The following MYO5C variants were observed in gnomAD, a reference collection of about 807,000 sequenced individuals.
The protein encoded by MYO5C is unconventional myosin-Vc.
A neutral mutation model predicts 235.7 loss-of-function variants in MYO5C; 194 were observed. The observed-to-expected ratio is 0.82, with a 90% CI of 0.73 to 0.93. The LOEUF (loss-of-function observed/expected upper bound fraction) is 0.93. Ranked by LOEUF, MYO5C falls within the 40% of genes least tolerant of loss-of-function variation. The pLI is 0.00. For missense variants in MYO5C, 2,038 were observed against 2,127.2 expected, an observed-to-expected ratio of 0.96 and a Z score of 0.82; for synonymous variants, 707 against 754.8, an observed-to-expected ratio of 0.94 and a Z score of 1.04.
intron 1 of MYO5C, among the ~76,000 whole-genome samples, chr15:52,285,194 CCT>C: frequency 6.6e-6 from 1 of 152,188 alleles, no homozygotes; most frequent in South Asian, 2.1e-4. Context: ...ATGGTGAAAC[CCT>C]GTCTCTACTA....
chr15:52,223,449 C>T, intron 29 of MYO5C, 95 bp downstream of exon 29: 4 of 1,182,790 alleles, frequency 3.4e-6, no homozygotes. Context: ...AATTTATATC[C>T]ACTCTTTTAC....
At chr15:52,256,601 G>GCGCGCA in intron 11 of MYO5C, 38 bp downstream of exon 11, 1 of 1,496,702 alleles carries the variant, frequency 6.7e-7, no homozygotes, top group Non-Finnish European at 9.1e-7. Flanking sequence ...GCGCGCGCGC[G>GCGCGCA]GCTGAGAACT....
chr15:52,197,334 C>T (rs2035074315), intron 38 of MYO5C, among the ~76,000 whole-genome samples: 1 of 152,204 alleles, frequency 6.6e-6, no homozygotes, highest in South Asian at 2.1e-4. Flanking sequence ...CTGATATTTG[C>T]TACATGGATG....
At chr15:52,203,330 C>CT (rs1241548341) in intron 38 of MYO5C, among the ~76,000 whole-genome samples, 2 of 152,062 alleles carry the variant, frequency 1.3e-5, no homozygotes, top group African/African-American at 4.8e-5. Context: ...CCATTACACT[C>CT]CAAGTTATTT....
At chr15:52,219,207 A>G (rs1566966252) in intron 31 of MYO5C, among the ~76,000 whole-genome samples, 1 of 152,364 alleles carries the variant, frequency 6.6e-6, no homozygotes, top group Middle Eastern at 3.4e-3. Flanking sequence ...TTGGAAAAAT[A>G]AGTGTCTCAA....
rs2036376262 is a variant in MYO5C at position 52,247,526 on chromosome 15, TA to T, written c.1812del (p.Thr605GlnfsTer72). The T allele has an allele frequency of 6.2e-7, 1 of 1,614,002 alleles. No individual in the cohort carries two copies. Among genetic ancestry groups the T allele is most frequent in the African/African-American group, 1.3e-5 (1 of 74,902 alleles). On this transcript the variant is annotated frameshift_variant, in exon 15 of 41. Transcript: ENST00000261839. LOFTEE classifies it high-confidence loss of function. Reference protein sequence around the residue: ...PTPPSPFGSMITVKSAKQVIK... With the variant: ...PTPPSPFGSMXTVKSAKQVIK... Reference sequence around the variant, plus strand: ...ATGACTTGCTTTGCAGATTTAACTGTAATCATTGAACCAAAAGGAGAAGGAG... The same window carrying T: ...ATGACTTGCTTTGCAGATTTAACTGTATCATTGAACCAAAAGGAGAAGGAG...
chr15:52,286,248 C>T (rs1361487230), intron 1 of MYO5C, among the ~76,000 whole-genome samples: 7 of 151,294 alleles, frequency 4.6e-5, no homozygotes, highest in African/African-American at 7.3e-5. Flanking sequence ...CCAGGCCAGC[C>T]GCCTCGTCTG....
chr15:52,199,796 G>A lies in MYO5C; in HGVS notation c.4821-3313C>T, dbSNP rs58133293. On this transcript the variant is annotated intron_variant, in intron 38 of 40. Transcript: ENST00000261839. Reference sequence around the variant, plus strand: ...AGGGAAACTTCCCTTCCAATTGGAGGATCTGTGGTTCAAGGTTCTCTCTTT... The same window carrying A: ...AGGGAAACTTCCCTTCCAATTGGAGAATCTGTGGTTCAAGGTTCTCTCTTT... Among the ~76,000 whole-genome samples, 700 of 152,254 alleles carry A rather than the reference G, an allele frequency of 4.6e-3. 5 individuals are homozygous for A. Among genetic ancestry groups the A allele is most frequent in the African/African-American group, 0.016 (680 of 41,534 alleles).
At chr15:52,277,862 G>A (rs2037085356) in intron 4 of MYO5C, 1 of 455,788 alleles carries the variant, frequency 2.2e-6, no homozygotes, top group Non-Finnish European at 4.4e-6. Flanking sequence ...AGCACCACCT[G>A]CTCCCTCATT....
intron 21 of MYO5C, among the ~76,000 whole-genome samples, chr15:52,238,863 G>T (rs922090064): frequency 6.6e-6 from 1 of 151,464 alleles, no homozygotes; most frequent in African/African-American, 2.4e-5. Context: ...GGATGGTCTC[G>T]ATCTCCTGAC....
At chr15:52,246,637 C>A (rs1468487913) in intron 16 of MYO5C, among the ~76,000 whole-genome samples, 1 of 152,200 alleles carries the variant, frequency 6.6e-6, no homozygotes, top group Non-Finnish European at 1.5e-5. Context: ...TACAAACACA[C>A]ATACTCATTC....
At chr15:52,293,495 G>A (rs1422452286) in intron 1 of MYO5C, among the ~76,000 whole-genome samples, 2 of 151,998 alleles carry the variant, frequency 1.3e-5, no homozygotes, top group Non-Finnish European at 2.9e-5. Flanking sequence ...TTCAACCCCT[G>A]CAAATACAGA....
At chr15:52,247,112 A>G (rs2036366067) in intron 15 of MYO5C, 98 bp from the exon 16 acceptor site, 1 of 1,036,318 alleles carries the variant, frequency 9.6e-7, no homozygotes, top group African/African-American at 1.6e-5. Context: ...ACTCAATAGG[A>G]AGAAAAGTTA....
chr15:52,281,060 T>TA (rs2037153571), intron 2 of MYO5C, among the ~76,000 whole-genome samples: 1 of 152,154 alleles, frequency 6.6e-6, no homozygotes, highest in South Asian at 2.1e-4. Flanking sequence ...TTTTTGAAAA[T>TA]AAAATCAGGA....
At chr15:52,223,022 G>A (rs910721188) in intron 29 of MYO5C, among the ~76,000 whole-genome samples, 29 of 151,986 alleles carry the variant, frequency 1.9e-4, no homozygotes, top group South Asian at 4.2e-4. Context: ...GATGGTGGGC[G>A]CCTGTAATCC....
In MYO5C at chr15:52,237,523, A is replaced by G. The variant is rs1177414080; in HGVS notation, c.2827T>C (p.Tyr943His). ...LEKAATHRRN[Y>H]EEKGKRYRDA... ...CTGTATCTCTTCCCCTTCTCCTCGTAATTTCGCCTGTGAGTGGCTGCTTTT... is the reference window on the plus strand; with the variant it reads ...CTGTATCTCTTCCCCTTCTCCTCGTGATTTCGCCTGTGAGTGGCTGCTTTT... The change falls in exon 22 of 41, where the codon TAC (tyrosine) becomes CAC (histidine). Residue 943 changes from tyrosine to histidine, a missense_variant. By Grantham distance (83) the Tyr-to-His change is moderately conservative. Transcript: ENST00000261839. 1 of 1,614,094 alleles carries G rather than the reference A, an allele frequency of 6.2e-7. No homozygotes were observed. The highest frequency in any genetic ancestry group is 1.1e-5 in the South Asian group (1 of 91,066).
At chr15:52,203,139 G>T (rs926773841) in intron 38 of MYO5C, among the ~76,000 whole-genome samples, 1 of 151,802 alleles carries the variant, frequency 6.6e-6, no homozygotes, top group East Asian at 1.9e-4. Context: ...GCTCAGGCTG[G>T]TCTCAAACTC....
chr15:52,197,861 C>A (rs1432204876), intron 38 of MYO5C, among the ~76,000 whole-genome samples: 2 of 151,630 alleles, frequency 1.3e-5, no homozygotes, highest in East Asian at 3.9e-4. Flanking sequence ...GTCTTGAACA[C>A]CTGGCCTCAA....
intron 10 of MYO5C, 45 bp from the exon 11 acceptor site, chr15:52,256,765 C>T: frequency 7.0e-7 from 1 of 1,419,906 alleles, no homozygotes; most frequent in Admixed American, 1.7e-5. Flanking sequence ...TGAAGCAAGA[C>T]ATATGCATTT....
Sources: allele counts gnomAD v4.1 joint callset (sites outside exome capture counted in the v4.1 genomes callset), GRCh38; gene constraint gnomAD v4.1.1; transcripts MANE v1.5; gene names NCBI Gene and HGNC (gene_info 2026-07-23, HGNC 2026-07-21).